The following PHF14 variants were observed in gnomAD, a reference collection of about 807,000 sequenced individuals.
PHF14 encodes the protein PHD finger protein 14.
In PHF14, 55 loss-of-function variants were observed where a neutral mutation model predicts 117.9. The observed-to-expected ratio is 0.47, with a 90% CI of 0.38 to 0.58. The LOEUF is 0.58. Among genes scored for constraint, PHF14 ranks in the 20% least tolerant of loss-of-function variants. The pLI is 0.00. For synonymous variants in PHF14, 409 were observed against 368.6 expected (o/e 1.11, Z -1.26); for missense variants, 978 against 1,122.2 (o/e 0.87, Z 1.84).
intron 17 of PHF14, among the ~76,000 whole-genome samples, chr7:11,141,146 A>G (rs1788386435): frequency 6.6e-6 from 1 of 152,096 alleles, no homozygotes; most frequent in Non-Finnish European, 1.5e-5. Context: ...TGTTTTAGGA[A>G]AATATCAATC....
intron 13 of PHF14, among the ~76,000 whole-genome samples, chr7:11,047,799 A>C (rs560103241): frequency 7.4e-6 from 1 of 135,432 alleles, no homozygotes; most frequent in African/African-American, 2.7e-5. Context: ...AAAAGACAGA[A>C]GAAGAGGAGG....
rs942746095 is a variant in PHF14 at position 11,111,489 on chromosome 7, A to T, written c.2772+22A>T. 3 of 1,210,852 alleles carry T rather than the reference A, an allele frequency of 2.5e-6. No homozygotes were observed. The African/African-American group carries it at 4.5e-5, about 18-fold the overall frequency. The allele number at this position is 1,210,852 out of a possible 1,614,324, so 75.0% of individuals were successfully genotyped here. On this transcript the variant is annotated intron_variant, in intron 17 of 17. Coordinates refer to ENST00000634607, the MANE Select transcript of PHF14 (RefSeq NM_001007157.2). ...CAAGGTAAGGGGAGAAGTCTATAAG[A>T]AAAGGTATTGGTGTCCTTCCGTTTG...
intron 13 of PHF14, among the ~76,000 whole-genome samples, chr7:11,047,194 G>A (rs891889050): frequency 1.3e-5 from 2 of 151,654 alleles, no homozygotes; most frequent in East Asian, 2.0e-4. Flanking sequence ...TCAGCCTCCC[G>A]AGTACCTGGG....
chr7:11,150,246 T>G (rs1242933830), intron 17 of PHF14, among the ~76,000 whole-genome samples: 1 of 152,156 alleles, frequency 6.6e-6, no homozygotes, highest in Non-Finnish European at 1.5e-5. Context: ...ATTAGAATGC[T>G]TATGGTTATT....
At chr7:10,978,550 C>G (rs1416532301) in intron 2 of PHF14, among the ~76,000 whole-genome samples, 1 of 152,062 alleles carries the variant, frequency 6.6e-6, no homozygotes, top group African/African-American at 2.4e-5. Context: ...AGAGATAAGC[C>G]TGGAAAAATA....
chr7:11,017,348 A>G (rs1294517558), intron 5 of PHF14, among the ~76,000 whole-genome samples: 1 of 152,128 alleles, frequency 6.6e-6, no homozygotes, highest in Non-Finnish European at 1.5e-5. Flanking sequence ...ACTAATATAC[A>G]TTTCATGCAA....
chr7:10,996,902 T>G (rs1782672149), intron 4 of PHF14, among the ~76,000 whole-genome samples: 1 of 152,154 alleles, frequency 6.6e-6, no homozygotes, highest in South Asian at 2.1e-4. Flanking sequence ...TGGCGTTAGC[T>G]CTCCAGTTAA....
chr7:11,106,589 G>A (rs1420024131), intron 16 of PHF14: 4 of 984,110 alleles, frequency 4.1e-6, no homozygotes, highest in East Asian at 1.1e-4. Context: ...ACCACAATTT[G>A]TATTTTCTCC....
chr7:11,013,835 A>G lies in PHF14; in HGVS notation c.1134A>G (p.Lys378=). 1 of 1,610,414 alleles carries G rather than the reference A, an allele frequency of 6.2e-7. No homozygotes were observed. Among genetic ancestry groups the G allele is most frequent in the Non-Finnish European group, 8.5e-7 (1 of 1,176,950 alleles). ...AACCTTGGTTTTGTGATGCCTGTAAATGTGGTGTTTCTCCTAGCTGTGAAC... is the reference window on the plus strand; with the variant it reads ...AACCTTGGTTTTGTGATGCCTGTAAGTGTGGTGTTTCTCCTAGCTGTGAAC... ...STEPWFCDAC[K]CGVSPSCELC... The change falls in exon 5 of 18, where the codon AAA becomes AAG. Residue 378 remains lysine (K), a synonymous_variant. Coordinates refer to ENST00000634607, the MANE Select transcript of PHF14 (RefSeq NM_001007157.2).
intron 14 of PHF14, among the ~76,000 whole-genome samples, chr7:11,052,165 C>G: frequency 6.6e-6 from 1 of 152,178 alleles, no homozygotes; most frequent in East Asian, 1.9e-4. Context: ...GAGATTTACA[C>G]TCTAAATTTC....
chr7:11,020,240 C>T (rs10268993), intron 5 of PHF14, among the ~76,000 whole-genome samples: 6,540 of 152,068 alleles, frequency 0.043, 467 homozygotes, highest in African/African-American at 0.15. Context: ...AGGTGTGCGC[C>T]ACCACACCAG....
chr7:11,028,909 T>A (rs2128320298), intron 7 of PHF14, 91 bp downstream of exon 7: 1 of 1,070,598 alleles, frequency 9.3e-7, no homozygotes, highest in African/African-American at 1.6e-5. Context: ...ATAAAAGAAA[T>A]TTTAACATTT....
intron 16 of PHF14, among the ~76,000 whole-genome samples, chr7:11,067,463 C>T (rs1173771949): frequency 6.6e-6 from 1 of 152,146 alleles, no homozygotes; most frequent in Non-Finnish European, 1.5e-5. Context: ...AATACTGCTT[C>T]TAGCTGTACA....
At chr7:11,128,192 CTATCTTTTG>C (rs1787984264) in intron 17 of PHF14, among the ~76,000 whole-genome samples, 1 of 152,002 alleles carries the variant, frequency 6.6e-6, no homozygotes. Flanking sequence ...GACCTCATTG[CTATCTTTTG>C]TGATCTCCTT....
At chr7:11,009,780 A>G (rs928030291) in intron 4 of PHF14, among the ~76,000 whole-genome samples, 5 of 152,248 alleles carry the variant, frequency 3.3e-5, no homozygotes, top group Non-Finnish European at 7.3e-5. Flanking sequence ...AGTGAAGCTG[A>G]AGAAAAAATA....
chr7:11,118,531 A>G (rs572047184), intron 17 of PHF14, among the ~76,000 whole-genome samples: 1 of 152,040 alleles, frequency 6.6e-6, no homozygotes, highest in South Asian at 2.1e-4. Context: ...TTAAAAAAAA[A>G]ATTAGAGTGT....
chr7:11,011,389 C>G (rs1783353043), intron 4 of PHF14, among the ~76,000 whole-genome samples: 2 of 152,182 alleles, frequency 1.3e-5, no homozygotes, highest in African/African-American at 2.4e-5. Flanking sequence ...CATGATCTTA[C>G]ATTGGATATA....
intron 16 of PHF14, among the ~76,000 whole-genome samples, chr7:11,082,083 C>CTTGTAATCCCAGCACTTTGGGA (rs1353390023): frequency 6.7e-6 from 1 of 148,742 alleles, no homozygotes; most frequent in Admixed American, 6.7e-5. Context: ...GTGGCTCACG[C>CTTGTAATCCCAGCACTTTGGGA]TTGTAATCCC....
At position 11,066,292 on chromosome 7, in the gene PHF14, C is replaced by T. The variant is rs541694872; in HGVS notation, c.2654+4207C>T. Among the ~76,000 whole-genome samples, 5 of 152,184 alleles carry T rather than the reference C, an allele frequency of 3.3e-5. No individual in the cohort carries two copies. The South Asian group carries it at 1.0e-3, about 32-fold the overall frequency. ...TTATAATTTTTTTGTTGTTTGTTTT[C>T]GTTGTCACTCAGGCTAGAGTGCAGT... On this transcript the variant is annotated intron_variant, in intron 16 of 17. Transcript: ENST00000634607.
Sources: allele counts gnomAD v4.1 joint callset (sites outside exome capture counted in the v4.1 genomes callset), GRCh38; gene constraint gnomAD v4.1.1; transcripts MANE v1.5; gene names NCBI Gene and HGNC (gene_info 2026-07-23, HGNC 2026-07-21).